Variants in FEM1C observed in about 807,000 individuals in gnomAD.
FEM1C encodes protein fem-1 homolog C.
FEM1C carries 15 observed loss-of-function variants against 37.6 expected under a neutral mutation model. The ratio of observed to expected loss-of-function variants is 0.40; its 90% confidence interval spans 0.27 to 0.61. The LOEUF (loss-of-function observed/expected upper bound fraction) is 0.61. Ranked by LOEUF, FEM1C falls within the 20% of genes least tolerant of loss-of-function variation. The pLI is 0.42. For synonymous variants in FEM1C, 287 were observed against 272.8 expected, an observed-to-expected ratio of 1.05 and a Z score of -0.51; for missense variants, 532 against 749.7, an observed-to-expected ratio of 0.71 and a Z score of 3.39.
In FEM1C at chr5:115,526,101, T is replaced by C. The variant is rs151000895; in HGVS notation, c.545-484A>G. On this transcript the variant is annotated intron_variant, in intron 2 of 2. Coordinates refer to ENST00000274457, the MANE Select transcript of FEM1C (RefSeq NM_020177.3). The stretch of plus-strand genomic sequence containing the variant: ...GTTTTAAACTCCTGGGCTCAAGCAA[T>C]GCTCCTGCCTTAGTCTCCCAAAGTG... 1.6e-3 allele frequency among the ~76,000 whole-genome samples: 241 copies of C among 152,156 alleles called. 1 individual carries two copies. Among genetic ancestry groups the C allele is most frequent in the African/African-American group, 5.6e-3 (234 of 41,514 alleles).
At position 115,543,583 on chromosome 5, in the gene FEM1C, C is replaced by A. The variant is rs903641981; in HGVS notation, c.-90G>T. The stretch of plus-strand genomic sequence containing the variant: ...CGACACAGGCAAGAGTCACAGGAAC[C>A]AAAGTCCAATGTTAATTGCTGCACC... On this transcript the variant is annotated 5_prime_UTR_variant, in exon 2 of 3. Coordinates refer to ENST00000274457, the MANE Select transcript of FEM1C (RefSeq NM_020177.3). The A allele has an allele frequency of 7.3e-6, 11 of 1,502,492 alleles. No individual in the cohort carries two copies. Among genetic ancestry groups the A allele is most frequent in the African/African-American group, 1.4e-5 (1 of 71,714 alleles). The allele number at this position is 1,502,492 out of a possible 1,614,324, so 93.1% of individuals were successfully genotyped here. A position where few individuals can be genotyped will look rare whatever the true frequency, so the allele number is the denominator to read the frequency against.
At chr5:115,532,887 C>A (rs1346625434) in intron 2 of FEM1C, among the ~76,000 whole-genome samples, 5 of 151,978 alleles carry the variant, frequency 3.3e-5, no homozygotes, top group African/African-American at 1.2e-4. Flanking sequence ...GATAACAGAG[C>A]AGTGATTGGC....
chr5:115,531,106 T>G (rs1400491142), intron 2 of FEM1C, among the ~76,000 whole-genome samples: 1 of 152,096 alleles, frequency 6.6e-6, no homozygotes, highest in East Asian at 1.9e-4. Flanking sequence ...AAAGAGAATT[T>G]AGTGGGAAAA....
rs779249877 is a variant in FEM1C at position 115,543,044 on chromosome 5, A to G, written c.450T>C (p.His150=). 1 of 1,614,258 alleles carries G rather than the reference A, an allele frequency of 6.2e-7. No individual in the cohort carries two copies. Among genetic ancestry groups the G allele is most frequent in the South Asian group, 1.1e-5 (1 of 91,088 alleles). ...TGTAACATGAAATCATCAAGCACGTATGCCCATGTCGGTTTGACACTTCCA... is the reference window on the plus strand; with the variant it reads ...TGTAACATGAAATCATCAAGCACGTGTGCCCATGTCGGTTTGACACTTCCA... ...ADLEVSNRHG[H]TCLMISCYKG... Residue 150 remains histidine, a synonymous_variant, in exon 2 of 3, where the codon CAT becomes CAC. Transcript: ENST00000274457.
rs149216093 is a variant in FEM1C, at chr5:115,532,973, C to T, written c.545-7356G>A. Among the ~76,000 whole-genome samples, 4 of 151,968 alleles carry T rather than the reference C, an allele frequency of 2.6e-5. No homozygotes were observed. The East Asian group carries it at 5.8e-4, about 22-fold the overall frequency. On this transcript the variant is annotated intron_variant, in intron 2 of 2. Transcript: ENST00000274457. ...TTTTTGTTCTTACCTTTAATAAATG[C>T]GTAGTATATGTTTGTCAAAAATTAC...
At chr5:115,540,392 G>T (rs1316137358) in intron 2 of FEM1C, among the ~76,000 whole-genome samples, 1 of 152,044 alleles carries the variant, frequency 6.6e-6, no homozygotes, top group Non-Finnish European at 1.5e-5. Context: ...GCATGTGTAT[G>T]GGTATAAAGT....
intron 2 of FEM1C, among the ~76,000 whole-genome samples, chr5:115,529,898 A>G (rs1753981123): frequency 6.6e-6 from 1 of 152,050 alleles, no homozygotes; most frequent in Non-Finnish European, 1.5e-5. Context: ...TGAAATAATA[A>G]TCCAAAAGTG....
intron 2 of FEM1C, among the ~76,000 whole-genome samples, chr5:115,531,445 G>C (rs1019988554): frequency 6.6e-6 from 1 of 152,044 alleles, no homozygotes; most frequent in Admixed American, 6.6e-5. Context: ...GATATTCAAG[G>C]ATACGTATTT....
In FEM1C at chr5:115,543,208, G is replaced by C; in HGVS notation, c.286C>G (p.Leu96Val). 6.2e-7 allele frequency: 1 copy of C among 1,614,218 alleles called. No individual in the cohort carries two copies. The highest frequency in any genetic ancestry group is 8.5e-7 in the Non-Finnish European group (1 of 1,180,038). The change falls in exon 2 of 3, where the codon CTG (leucine) becomes GTG (valine). Residue 96 changes from leucine (L) to valine (V), a missense_variant. Coordinates refer to ENST00000274457, the MANE Select transcript of FEM1C (RefSeq NM_020177.3). ...TTTAACAAGGACTGGACCACCTTCA[G>C]ATGTCCTGCTGCAGAAGCGGCCCAT... ...PLWAASAAGH[L>V]KVVQSLLNHG... is the part of the protein sequence containing the mutation.
chr5:115,540,107 T>TA (rs1754208955), intron 2 of FEM1C, among the ~76,000 whole-genome samples: 1 of 152,080 alleles, frequency 6.6e-6, no homozygotes, highest in Admixed American at 6.6e-5. Flanking sequence ...TGAATGGGGC[T>TA]AAAAAAGTGG....
At chr5:115,541,117 T>G (rs1754232237) in intron 2 of FEM1C, among the ~76,000 whole-genome samples, 1 of 151,952 alleles carries the variant, frequency 6.6e-6, no homozygotes, top group Non-Finnish European at 1.5e-5. Context: ...ACTGAAAAAC[T>G]GGAAGCAACA....
rs368104656 is a variant in FEM1C, at chr5:115,543,140, A to G, written c.354T>C (p.Thr118=). 7 of 1,614,136 alleles carry G rather than the reference A, an allele frequency of 4.3e-6. No individual in the cohort carries two copies. The highest frequency in any genetic ancestry group is 5.9e-6 in the Non-Finnish European group (7 of 1,180,024). Reference sequence around the variant, plus strand: ...CATCGAAACACGCAGCTCGAAGAGGAGTTGAATTGGTTAAAGTCGTGTTGT... The same window carrying G: ...CATCGAAACACGCAGCTCGAAGAGGGGTTGAATTGGTTAAAGTCGTGTTGT... ...SVNNTTLTNS[T]PLRAACFDGH... The change falls in exon 2 of 3, where the codon ACT becomes ACC. Residue 118 remains threonine (T), a synonymous_variant. Transcript: ENST00000274457.
At chr5:115,526,038 T>A (rs1034007707) in intron 2 of FEM1C, among the ~76,000 whole-genome samples, 14 of 152,226 alleles carry the variant, frequency 9.2e-5, no homozygotes, top group African/African-American at 2.9e-4. Context: ...CTTTTTTTTT[T>A]TCTTTAGAGA....
chr5:115,523,012 G>C lies in FEM1C; in HGVS notation c.*1296C>G, dbSNP rs1753808346. The stretch of plus-strand genomic sequence containing the variant: ...GAGAAAGAAAGGAAGAAAGAGAAAA[G>C]AAAAAGCTAACTTCCAGTAAGGGAA... On this transcript the variant is annotated 3_prime_UTR_variant, in exon 3 of 3. Coordinates refer to ENST00000274457, the MANE Select transcript of FEM1C (RefSeq NM_020177.3). 1 of 152,200 alleles carries C rather than the reference G, an allele frequency of 6.6e-6. No individual in the cohort carries two copies. Among genetic ancestry groups the C allele is most frequent in the Non-Finnish European group, 1.5e-5 (1 of 67,858 alleles). The allele number at this position is 152,200 out of a possible 1,614,324, so 9.4% of individuals were successfully genotyped here.
chr5:115,542,092 T>A (rs541817391), intron 2 of FEM1C, among the ~76,000 whole-genome samples: 65 of 152,308 alleles, frequency 4.3e-4, no homozygotes, highest in African/African-American at 1.5e-3. Flanking sequence ...AATAGATTCG[T>A]GTAAGGGAAG....
At chr5:115,528,757 A>G (rs1321477987) in intron 2 of FEM1C, among the ~76,000 whole-genome samples, 1 of 152,280 alleles carries the variant, frequency 6.6e-6, no homozygotes, top group Non-Finnish European at 1.5e-5. Flanking sequence ...GGAAATAAAG[A>G]GCTGACAGAA....
chr5:115,538,277 T>C (rs1754168997), intron 2 of FEM1C, among the ~76,000 whole-genome samples: 1 of 152,038 alleles, frequency 6.6e-6, no homozygotes, highest in South Asian at 2.1e-4. Flanking sequence ...CCTTGCCACA[T>C]GCCTACATGA....
chr5:115,524,474 G>A lies in FEM1C; in HGVS notation c.1688C>T (p.Thr563Ile), dbSNP rs766431531. The A allele has an allele frequency of 3.1e-6, 5 of 1,612,868 alleles. No individual in the cohort carries two copies. The highest frequency in any genetic ancestry group is 4.2e-6 in the Non-Finnish European group (5 of 1,179,488). Residue 563 changes from threonine (T) to isoleucine (I), a missense_variant, in exon 3 of 3, where the codon ACT becomes ATT. Transcript: ENST00000274457. Reference protein sequence around the residue: ...HFDATNLHKQTASDLLDEKEI... With the variant: ...HFDATNLHKQIASDLLDEKEI... ...CTTCTCATCCAGCAAGTCACTAGCA[G>A]TTTGTTTGTGCAAGTTTGTGGCATC...
At chr5:115,527,697 CAAG>C (rs1753923576) in intron 2 of FEM1C, among the ~76,000 whole-genome samples, 1 of 151,848 alleles carries the variant, frequency 6.6e-6, no homozygotes, top group South Asian at 2.1e-4. Flanking sequence ...AGCACAAAAT[CAAG>C]AATAAAATGT....
Sources: gnomAD v4.1 joint callset for allele counts (sites outside exome capture counted in the v4.1 genomes callset) on GRCh38, gnomAD v4.1.1 for gene constraint, MANE v1.5 for transcripts, NCBI Gene and HGNC (gene_info 2026-07-23, HGNC 2026-07-21) for gene names.